The following IL1RAPL1 variants were observed in gnomAD, a reference collection of about 807,000 sequenced individuals.
IL1RAPL1 encodes the protein interleukin-1 receptor accessory protein-like 1.
IL1RAPL1 carries 3 observed loss-of-function variants against 48.4 expected under a neutral mutation model. The observed-to-expected ratio is 0.06, with a 90% CI of 0.03 to 0.16. The LOEUF (loss-of-function observed/expected upper bound fraction) is 0.16. Among genes scored for constraint, IL1RAPL1 ranks in the 10% least tolerant of loss-of-function variants. IL1RAPL1 has a pLI of 1.00. For missense variants in IL1RAPL1, 349 were observed against 530.6 expected (o/e 0.66, Z 3.36); for synonymous variants, 185 against 187.7 (o/e 0.99, Z 0.12).
chrX:28,833,633 T>C (rs1601923335), intron 2 of IL1RAPL1, among the ~76,000 whole-genome samples: 1 of 111,948 alleles, frequency 8.9e-6, no homozygotes, highest in Non-Finnish European at 1.9e-5. Flanking sequence ...AATATCTATA[T>C]TTACTGAATG....
Position 29,919,965 on chromosome X carries a change from C to T in IL1RAPL1, c.928C>T (p.Leu310Phe). 1 of 1,210,961 alleles carries T rather than the reference C, an allele frequency of 8.3e-7. No homozygotes were observed. Among genetic ancestry groups the T allele is most frequent in the African/African-American group, 1.7e-5 (1 of 57,715 alleles). ...ACATTTTAGAATTCTTAAGGAGCAT[C>T]TTGGGGAACAGGAAGTTTCCATCTC... The part of the protein sequence containing the change: ...ESDIRILKEH[L>F]GEQEVSISLI... The change falls in exon 8 of 11, where the codon CTT (leucine) becomes TTT (phenylalanine). Residue 310 changes from leucine to phenylalanine, a missense_variant. Physicochemically the swap from Leu to Phe is conservative, Grantham distance 22. Around this residue, in one of 3 missense-constraint regions of IL1RAPL1, gnomAD observed 238 missense variants for 337.8 expected, o/e 0.70. Transcript: ENST00000378993.
chrX:28,781,880 A>G (rs989659362), intron 1 of IL1RAPL1, among the ~76,000 whole-genome samples: 10 of 112,062 alleles, frequency 8.9e-5, no homozygotes, highest in Non-Finnish European at 1.9e-4. Flanking sequence ...TTGTTTTACT[A>G]TATCCATATT....
chrX:29,442,063 A>G (rs1392680724), intron 5 of IL1RAPL1, among the ~76,000 whole-genome samples: 1 of 111,896 alleles, frequency 8.9e-6, no homozygotes, highest in Non-Finnish European at 1.9e-5. Context: ...TATTCACTAC[A>G]TTTATCCAAA....
At chrX:28,823,380 A>C (rs931898930) in intron 2 of IL1RAPL1, among the ~76,000 whole-genome samples, 1 of 111,114 alleles carries the variant, frequency 9.0e-6, no homozygotes, top group Non-Finnish European at 1.9e-5. Context: ...TCCAACTATT[A>C]ACTGGCTTTG....
chrX:29,365,046 A>G (rs1933432665), intron 3 of IL1RAPL1, among the ~76,000 whole-genome samples: 1 of 112,528 alleles, frequency 8.9e-6, no homozygotes, highest in Non-Finnish European at 1.9e-5. Context: ...ATATTAATAC[A>G]TATTTTCAAT....
chrX:29,454,173 C>G (rs181935961), intron 5 of IL1RAPL1, among the ~76,000 whole-genome samples: 2 of 112,376 alleles, frequency 1.8e-5, no homozygotes, highest in African/African-American at 6.5e-5. Flanking sequence ...TAGTGAGGTA[C>G]GTCTTTCTTC....
intron 6 of IL1RAPL1, among the ~76,000 whole-genome samples, chrX:29,673,332 T>G (rs1375666792): frequency 8.9e-6 from 1 of 111,899 alleles, no homozygotes; most frequent in Non-Finnish European, 1.9e-5. Flanking sequence ...AGTCTAAACA[T>G]TATTGTTTTG....
At chrX:29,333,271 CG>C (rs1191405748) in intron 3 of IL1RAPL1, among the ~76,000 whole-genome samples, 1 of 104,013 alleles carries the variant, frequency 9.6e-6, no homozygotes, top group Non-Finnish European at 2.0e-5. Flanking sequence ...GCTGGCCGGG[CG>C]GGGGGCTGAC....
intron 1 of IL1RAPL1, among the ~76,000 whole-genome samples, chrX:28,663,731 C>T (rs750508550): frequency 2.5e-4 from 26 of 105,854 alleles, no homozygotes; most frequent in African/African-American, 8.0e-4. Context: ...ATCTATTGGC[C>T]CCATATACAA....
intron 6 of IL1RAPL1, among the ~76,000 whole-genome samples, chrX:29,687,798 A>G (rs73454533): frequency 0.12 from 13,585 of 111,451 alleles, 1,474 homozygotes; most frequent in African/African-American, 0.34. Flanking sequence ...ACTATAGGAA[A>G]AAAAACCTCT....
chrX:29,532,678 C>T (rs1464351300), intron 5 of IL1RAPL1, among the ~76,000 whole-genome samples: 1 of 112,028 alleles, frequency 8.9e-6, no homozygotes, highest in Admixed American at 9.5e-5. Flanking sequence ...GCAGCTGGGT[C>T]GATCTCATAA....
chrX:29,589,208 A>G (rs1382723097), intron 5 of IL1RAPL1, among the ~76,000 whole-genome samples: 1 of 111,896 alleles, frequency 8.9e-6, no homozygotes, highest in Admixed American at 9.4e-5. Context: ...TTCTCATATC[A>G]ATTTTACCTT....
Position 29,327,490 on chromosome X carries a change from G to T in IL1RAPL1, c.362+44273G>T, listed in dbSNP as rs777718027. On this transcript the variant is annotated intron_variant, in intron 3 of 10. Coordinates refer to ENST00000378993, the MANE Select transcript of IL1RAPL1 (RefSeq NM_014271.4). ...ATTTATAAATTAAACTCTTAGCTAG[G>T]TAATATTATTTATTACTTTTTTGAA... 4.9e-5 allele frequency among the ~76,000 whole-genome samples: 5 copies of T among 102,971 alleles called. No individual in the cohort carries two copies. The East Asian group carries it at 1.2e-3, about 25-fold the overall frequency. 89.4% of individuals were successfully genotyped at this position (102,971 alleles called of 115,157 possible).
chrX:28,892,708 C>T (rs111621394), intron 2 of IL1RAPL1, among the ~76,000 whole-genome samples: 1,202 of 110,094 alleles, frequency 0.011, 19 homozygotes, highest in African/African-American at 0.035. Context: ...GGATTAGGGG[C>T]GGCGTGGGAA....
intron 5 of IL1RAPL1, among the ~76,000 whole-genome samples, chrX:29,417,660 T>A (rs763984168): frequency 9.0e-6 from 1 of 111,680 alleles, no homozygotes; most frequent in Non-Finnish European, 1.9e-5. Context: ...CAAGTGATAA[T>A]TGCAATATGT....
chrX:28,938,816 TAAA>T (rs1254459413), intron 2 of IL1RAPL1, among the ~76,000 whole-genome samples: 1 of 110,127 alleles, frequency 9.1e-6, no homozygotes, highest in African/African-American at 3.3e-5. Context: ...ATGAGGAACT[TAAA>T]AAAATTTGAA....
At chrX:29,873,999 A>G (rs928833924) in intron 6 of IL1RAPL1, among the ~76,000 whole-genome samples, 1 of 112,257 alleles carries the variant, frequency 8.9e-6, no homozygotes, top group African/African-American at 3.2e-5. Context: ...TTAAAATGCT[A>G]TTGCTCTGCA....
intron 2 of IL1RAPL1, among the ~76,000 whole-genome samples, chrX:29,058,921 T>C (rs1458474274): frequency 8.9e-6 from 1 of 112,238 alleles, no homozygotes; most frequent in Non-Finnish European, 1.9e-5. Flanking sequence ...ATATGACTTA[T>C]AGTCAGTATT....
At chrX:29,185,068 A>G (rs941283807) in intron 2 of IL1RAPL1, among the ~76,000 whole-genome samples, 2 of 112,253 alleles carry the variant, frequency 1.8e-5, no homozygotes, top group African/African-American at 6.5e-5. Context: ...ACAGTGTTAA[A>G]AACCTGCCAT....
Sources: allele counts gnomAD v4.1 joint callset (sites outside exome capture counted in the v4.1 genomes callset), GRCh38; gene constraint gnomAD v4.1.1; regional missense constraint gnomAD v4.1.1; transcripts MANE v1.5; gene names NCBI Gene and HGNC (gene_info 2026-07-23, HGNC 2026-07-21).